CTNNA2: variants seen among roughly 807,000 people sequenced by gnomAD.
CTNNA2 encodes catenin alpha-2.
In CTNNA2, 42 loss-of-function variants were observed where a neutral mutation model predicts 101.0. That is an observed-to-expected ratio of 0.42 (90% confidence interval 0.32 to 0.54). The LOEUF (loss-of-function observed/expected upper bound fraction) is 0.54. Among genes scored for constraint, CTNNA2 ranks in the 20% least tolerant of loss-of-function variants. CTNNA2 has a pLI of 0.14. For synonymous variants in CTNNA2, 450 were observed against 456.4 expected (o/e 0.99, Z 0.18); for missense variants, 871 against 1,223.1 (o/e 0.71, Z 4.29).
At chr2:79,354,409 A>G (rs1214299663) in intron 3 of CTNNA2, among the ~76,000 whole-genome samples, 3 of 152,034 alleles carry the variant, frequency 2.0e-5, no homozygotes, top group Non-Finnish European at 4.4e-5. Flanking sequence ...GTCTGATGGC[A>G]TTGATTCAAA....
intron 2 of CTNNA2, among the ~76,000 whole-genome samples, chr2:79,201,146 G>T (rs1170098822): frequency 6.6e-6 from 1 of 151,384 alleles, no homozygotes; most frequent in Non-Finnish European, 1.5e-5. Flanking sequence ...CCCTTGAATT[G>T]GAACTTTCCT....
At chr2:80,610,398 A>T (rs1698361049) in intron 17 of CTNNA2, among the ~76,000 whole-genome samples, 1 of 151,768 alleles carries the variant, frequency 6.6e-6, no homozygotes, top group Non-Finnish European at 1.5e-5. Flanking sequence ...TGATTTTGCC[A>T]AGAAAATTAC....
chr2:79,894,028 T>C (rs1684500730), intron 6 of CTNNA2, among the ~76,000 whole-genome samples: 1 of 144,926 alleles, frequency 6.9e-6, no homozygotes, highest in Non-Finnish European at 1.5e-5. Flanking sequence ...TTCTTCTTCT[T>C]CTTCTTCTTC....
chr2:79,477,168 C>CTTTTTTTTTTTTTTTTT (rs5832392), intron 4 of CTNNA2, among the ~76,000 whole-genome samples: 48 of 123,132 alleles, frequency 3.9e-4, no homozygotes, highest in Non-Finnish European at 5.6e-4. Flanking sequence ...TCTTTTTTTT[C>CTTTTTTTTTTTTTTTTT]TTTTTTTTTT....
At chr2:79,421,891 G>T (rs973401144) in intron 4 of CTNNA2, among the ~76,000 whole-genome samples, 11 of 152,120 alleles carry the variant, frequency 7.2e-5, no homozygotes, top group Non-Finnish European at 1.5e-4. Flanking sequence ...CAATCAGATT[G>T]GGTATAGGAA....
chr2:80,592,035 A>G (rs909760115), intron 15 of CTNNA2, among the ~76,000 whole-genome samples: 4 of 152,180 alleles, frequency 2.6e-5, no homozygotes, highest in Non-Finnish European at 4.4e-5. Flanking sequence ...TTGTGTCCCA[A>G]TAACAAAAGG....
chr2:80,556,515 A>G lies in CTNNA2; in HGVS notation c.1741+622A>G, dbSNP rs577994413. Among the ~76,000 whole-genome samples the G allele has an allele frequency of 3.3e-5, 5 of 152,290 alleles. No homozygotes were observed. The South Asian group carries it at 1.0e-3, about 32-fold the overall frequency. ...CTTCTTCAGGGGCATGTGGCTGCTC[A>G]CAGGACTCACTGCTATGGTCAGGTA... On this transcript the variant is annotated intron_variant, in intron 12 of 18. Coordinates refer to ENST00000402739, the MANE Select transcript of CTNNA2 (RefSeq NM_001282597.3).
intron 3 of CTNNA2, among the ~76,000 whole-genome samples, chr2:79,368,747 T>C (rs1458748047): frequency 6.6e-6 from 1 of 152,130 alleles, no homozygotes; most frequent in Non-Finnish European, 1.5e-5. Context: ...TCCTACTGGG[T>C]CACTCAAGGT....
intron 7 of CTNNA2, among the ~76,000 whole-genome samples, chr2:80,205,399 T>A (rs562437672): frequency 6.6e-6 from 1 of 152,296 alleles, no homozygotes; most frequent in African/African-American, 2.4e-5. Flanking sequence ...CTCTCCCTGT[T>A]GTCCCTGCAT....
intron 3 of CTNNA2, among the ~76,000 whole-genome samples, chr2:79,779,673 C>T (rs1224936360): frequency 6.6e-6 from 1 of 152,130 alleles, no homozygotes; most frequent in Non-Finnish European, 1.5e-5. Context: ...AGTCTTTATA[C>T]TACCCATGAT....
intron 2 of CTNNA2, among the ~76,000 whole-genome samples, chr2:79,253,866 C>A (rs1163146596): frequency 6.6e-6 from 1 of 152,186 alleles, no homozygotes; most frequent in Non-Finnish European, 1.5e-5. Flanking sequence ...AGTGTGTTAG[C>A]TGTCATCAGT....
chr2:80,292,568 T>A (rs756366256), intron 7 of CTNNA2, among the ~76,000 whole-genome samples: 18 of 152,192 alleles, frequency 1.2e-4, no homozygotes, highest in Non-Finnish European at 1.9e-4. Context: ...AAATATATGA[T>A]TAACACTCCT....
At chr2:80,012,394 T>A (rs879257669) in intron 7 of CTNNA2, among the ~76,000 whole-genome samples, 7 of 152,296 alleles carry the variant, frequency 4.6e-5, no homozygotes, top group Admixed American at 4.6e-4. Context: ...TATAAAGCTG[T>A]CTTGTTGCCT....
At chr2:80,489,951 G>A (rs190335757) in intron 9 of CTNNA2, among the ~76,000 whole-genome samples, 128 of 152,226 alleles carry the variant, frequency 8.4e-4, no homozygotes, top group African/African-American at 3.0e-3. Flanking sequence ...CAAGTGACAG[G>A]AAACAGGTCC....
intron 7 of CTNNA2, among the ~76,000 whole-genome samples, chr2:80,149,088 C>T (rs781427241): frequency 1.2e-4 from 18 of 144,006 alleles, no homozygotes; most frequent in Non-Finnish European, 2.2e-4. Context: ...AGTGCAGTGG[C>T]GTGATTTGAT....
chr2:79,504,859 C>A (rs1191015634), intron 4 of CTNNA2, among the ~76,000 whole-genome samples: 1 of 152,146 alleles, frequency 6.6e-6, no homozygotes, highest in Non-Finnish European at 1.5e-5. Flanking sequence ...TATTTGACTA[C>A]TTTGCCGCTT....
chr2:80,086,925 CT>C (rs1699475249), intron 7 of CTNNA2, among the ~76,000 whole-genome samples: 1 of 151,996 alleles, frequency 6.6e-6, no homozygotes, highest in Non-Finnish European at 1.5e-5. Context: ...CTATCAGAGA[CT>C]TTTCAAAATA....
intron 1 of CTNNA2, among the ~76,000 whole-genome samples, chr2:79,618,019 A>G (rs1678745879): frequency 6.6e-6 from 1 of 152,132 alleles, no homozygotes; most frequent in Admixed American, 6.5e-5. Context: ...CTCTTTGATC[A>G]GAGAGCTGAG....
chr2:79,296,536 A>T (rs568187607), intron 2 of CTNNA2, among the ~76,000 whole-genome samples: 2 of 152,146 alleles, frequency 1.3e-5, no homozygotes, highest in African/African-American at 4.8e-5. Context: ...TACACTTATT[A>T]TGCACTCTAG....
Sources: allele counts gnomAD v4.1 joint callset (sites outside exome capture counted in the v4.1 genomes callset), GRCh38; gene constraint gnomAD v4.1.1; transcripts MANE v1.5; gene names NCBI Gene and HGNC (gene_info 2026-07-23, HGNC 2026-07-21).